ARHGEF9: variants seen among roughly 807,000 people sequenced by gnomAD.
ARHGEF9 encodes rho guanine nucleotide exchange factor 9.
Under a neutral mutation model 41.3 loss-of-function variants are expected in ARHGEF9, and 2 were observed. The observed-to-expected ratio is 0.05, with a 90% confidence interval of 0.02 to 0.15. ARHGEF9 has a LOEUF of 0.15. ARHGEF9 is among the 10% of genes least tolerant of loss of function. The pLI, the probability that ARHGEF9 is intolerant of heterozygous loss-of-function variation, is 1.00. For synonymous variants in ARHGEF9, 160 were observed against 154.4 expected (o/e 1.04, Z -0.27); for missense variants, 225 against 424.7 (o/e 0.53, Z 4.13).
chrX:63,769,025 A>C (rs1478278995), intron 1 of ARHGEF9, among the ~76,000 whole-genome samples: 2 of 112,315 alleles, frequency 1.8e-5, no homozygotes, highest in African/African-American at 6.5e-5. Flanking sequence ...AAACTTTGGA[A>C]CTGGGTAACA....
chrX:63,644,528 G>T (rs2047863949), intron 8 of ARHGEF9, among the ~76,000 whole-genome samples: 1 of 110,428 alleles, frequency 9.1e-6, no homozygotes. Context: ...GGGAAAAAAA[G>T]GATATACTTA....
At chrX:63,775,701 A>G (rs1289905636) in intron 1 of ARHGEF9, among the ~76,000 whole-genome samples, 41 of 111,730 alleles carry the variant, frequency 3.7e-4, no homozygotes, top group African/African-American at 1.2e-3. Flanking sequence ...GAGGGTGAGG[A>G]CTGAAAAAAT....
chrX:63,778,398 G>A (rs2056328513), intron 1 of ARHGEF9, among the ~76,000 whole-genome samples: 1 of 112,099 alleles, frequency 8.9e-6, no homozygotes, highest in African/African-American at 3.2e-5. Flanking sequence ...AGACCTCCAG[G>A]CACTTGATGG....
In ARHGEF9 at chrX:63,696,205, T is replaced by C. The variant is rs782633806; in HGVS notation, c.582+920A>G. Among the ~76,000 whole-genome samples the C allele has an allele frequency of 5.4e-5, 6 of 112,029 alleles. No homozygotes were observed. In the South Asian group the frequency reaches 2.3e-3, roughly 42 times the overall value. ...GAGTCTCAGAAGTAAAACAGGAATA[T>C]TTCCAAGAAGGCTTATTTTTAGCTG... On this transcript the variant is annotated intron_variant, in intron 4 of 9. Coordinates refer to ENST00000671741, the MANE Select transcript of ARHGEF9 (RefSeq NM_001353921.2).
chrX:63,692,501 A>T lies in ARHGEF9; in HGVS notation c.582+4624T>A, dbSNP rs183064540. On this transcript the variant is annotated intron_variant, in intron 4 of 9. Transcript: ENST00000671741. ...CATCAGGGAAATGCAAATCAAAATC[A>T]CAAGGACATATCATCTCACCGCAGT... 6.2e-5 allele frequency among the ~76,000 whole-genome samples: 7 copies of T among 112,544 alleles called. No homozygotes were observed. The South Asian group carries it at 1.8e-3, about 30-fold the overall frequency.
At chrX:63,687,937 G>C (rs1416468196) in intron 4 of ARHGEF9, among the ~76,000 whole-genome samples, 1 of 111,008 alleles carries the variant, frequency 9.0e-6, no homozygotes, top group Non-Finnish European at 1.9e-5. Context: ...AAGGTAGAAA[G>C]CTTATTCAAA....
At chrX:63,681,990 G>C (rs1333035757) in intron 4 of ARHGEF9, among the ~76,000 whole-genome samples, 8 of 109,922 alleles carry the variant, frequency 7.3e-5, no homozygotes, top group Middle Eastern at 4.7e-3. Context: ...AAGAAATAGA[G>C]AGCCTGAACA....
intron 9 of ARHGEF9, chrX:63,640,642 T>C (rs1182682485): frequency 8.9e-6 from 1 of 112,152 alleles, no homozygotes; most frequent in Non-Finnish European, 1.9e-5. Context: ...AAAAGGCCTT[T>C]CTTGGAGCTA....
chrX:63,645,050 C>T (rs1468000545), intron 8 of ARHGEF9, among the ~76,000 whole-genome samples: 15 of 110,202 alleles, frequency 1.4e-4, no homozygotes, highest in African/African-American at 3.6e-4. Flanking sequence ...GCTAGGATTA[C>T]AGGAATGAGC....
intron 1 of ARHGEF9, among the ~76,000 whole-genome samples, chrX:63,773,483 G>C (rs2056237292): frequency 8.9e-6 from 1 of 112,250 alleles, no homozygotes; most frequent in African/African-American, 3.2e-5. Flanking sequence ...TCCCCACACA[G>C]ATACAGAGTA....
At chrX:63,775,372 C>G (rs2056275640) in intron 1 of ARHGEF9, among the ~76,000 whole-genome samples, 1 of 112,411 alleles carries the variant, frequency 8.9e-6, no homozygotes, top group Non-Finnish European at 1.9e-5. Context: ...AAGATATATG[C>G]ACATGTATGT....
At position 63,714,239 on chromosome X, in the gene ARHGEF9, C is replaced by T. The variant is rs371821578; in HGVS notation, c.211-7790G>A. ...TACCTTGTATCCTTCTAAAGCCTGCCCCCTACTCCTTCTTCAGGAAGGCCT... is the reference window on the plus strand; with the variant it reads ...TACCTTGTATCCTTCTAAAGCCTGCTCCCTACTCCTTCTTCAGGAAGGCCT... On this transcript the variant is annotated intron_variant, in intron 2 of 9. Coordinates refer to ENST00000671741, the MANE Select transcript of ARHGEF9 (RefSeq NM_001353921.2). 2.7e-5 allele frequency among the ~76,000 whole-genome samples: 3 copies of T among 111,358 alleles called. No individual in the cohort carries two copies. In the East Asian group the frequency reaches 8.5e-4, roughly 31 times the overall value.
At position 63,670,286 on chromosome X, in the gene ARHGEF9, T is replaced by C. The variant is rs189926337; in HGVS notation, c.945+3752A>G. On this transcript the variant is annotated intron_variant, in intron 6 of 9. Transcript: ENST00000671741. ...TCTAGCCCTACATTTGATCTTCTTGTCCCAGGAGTATGCCTCATCAAGCCA... is the reference window on the plus strand; with the variant it reads ...TCTAGCCCTACATTTGATCTTCTTGCCCCAGGAGTATGCCTCATCAAGCCA... The C allele has an allele frequency of 1.2e-3, 139 of 111,818 alleles. 1 individual carries two copies. Among genetic ancestry groups the C allele is most frequent in the African/African-American group, 4.5e-3 (139 of 30,782 alleles). The allele number at this position is 111,818 out of a possible 1,213,427, so 9.2% of individuals were successfully genotyped here.
At chrX:63,648,082 T>C (rs2048250676) in intron 8 of ARHGEF9, among the ~76,000 whole-genome samples, 1 of 110,983 alleles carries the variant, frequency 9.0e-6, no homozygotes, top group Admixed American at 9.6e-5. Context: ...AACATTCAAA[T>C]TCAGGAAATA....
At chrX:63,762,051 G>A (rs1219985417) in intron 1 of ARHGEF9, among the ~76,000 whole-genome samples, 2 of 111,510 alleles carry the variant, frequency 1.8e-5, no homozygotes, top group Non-Finnish European at 3.8e-5. Flanking sequence ...AGACTGTGGT[G>A]GGGAGTGAAC....
intron 1 of ARHGEF9, among the ~76,000 whole-genome samples, chrX:63,734,509 G>A (rs1264588896): frequency 2.7e-5 from 3 of 112,013 alleles, no homozygotes; most frequent in Admixed American, 9.4e-5. Context: ...TCTGAATCAC[G>A]TGCCACACTG....
intron 4 of ARHGEF9, among the ~76,000 whole-genome samples, chrX:63,690,360 A>G (rs1186986191): frequency 8.9e-6 from 1 of 111,810 alleles, no homozygotes; most frequent in East Asian, 2.8e-4. Flanking sequence ...ATGAACAACT[A>G]CAGGCAAACA....
Position 63,674,021 on chromosome X carries a change from G to T in ARHGEF9, c.945+17C>A. On this transcript the variant is annotated intron_variant, in intron 6 of 9. Transcript: ENST00000671741. ...GCTATTCAGATTTCCCAATACCCTG[G>T]TTGGTAAGTTTCCTACCTCCCAGTC... is the stretch of plus-strand genomic sequence containing the variant. 8.3e-7 allele frequency: 1 copy of T among 1,210,160 alleles called. No individual in the cohort carries two copies. Among genetic ancestry groups the T allele is most frequent in the South Asian group, 1.8e-5 (1 of 56,953 alleles).
intron 2 of ARHGEF9, among the ~76,000 whole-genome samples, chrX:63,709,887 A>G (rs1339855955): frequency 3.6e-5 from 4 of 111,684 alleles, no homozygotes; most frequent in Non-Finnish European, 7.5e-5. Context: ...TTCGTAATAA[A>G]GAAACTGATA....
Sources: allele counts gnomAD v4.1 joint callset (sites outside exome capture counted in the v4.1 genomes callset), GRCh38; gene constraint gnomAD v4.1.1; transcripts MANE v1.5; gene names NCBI Gene and HGNC (gene_info 2026-07-23, HGNC 2026-07-21).